Variants in KLHL40 observed in about 807,000 individuals in gnomAD.
The protein encoded by KLHL40 is kelch like family member 40.
Under a neutral mutation model 49.7 loss-of-function variants are expected in KLHL40, and 44 were observed. That is an observed-to-expected ratio of 0.89 (90% CI 0.70 to 1.14). KLHL40 has a LOEUF of 1.14. KLHL40 is among the 50% of genes most tolerant of loss of function. The probability of loss-of-function intolerance (pLI) is 0.00; values close to 1 mark genes in which losing one functional copy is unlikely to be tolerated. For missense variants in KLHL40, 892 were observed against 850.3 expected, an observed-to-expected ratio of 1.05 and a Z score of -0.61; for synonymous variants, 409 against 365.2, an observed-to-expected ratio of 1.12 and a Z score of -1.37.
At chr3:42,691,236 G>C (rs1232488278) in intron 5 of KLHL40, among the ~76,000 whole-genome samples, 3 of 152,142 alleles carry the variant, frequency 2.0e-5, no homozygotes, top group Non-Finnish European at 4.4e-5. Flanking sequence ...CTGTGGAGCA[G>C]CAACAGTGTT....
In KLHL40 at chr3:42,692,043, C is replaced by A. The variant is rs1229642280; in HGVS notation, c.*50C>A. The A allele has an allele frequency of 2.6e-6, 3 of 1,134,944 alleles. No homozygotes were observed. Among genetic ancestry groups the A allele is most frequent in the Non-Finnish European group, 4.0e-6 (3 of 745,110 alleles). 70.3% of individuals were successfully genotyped at this position (1,134,944 alleles called of 1,614,324 possible). A position where few individuals can be genotyped will look rare whatever the true frequency, so the allele number is the denominator to read the frequency against. On this transcript the variant is annotated 3_prime_UTR_variant, in exon 6 of 6. Coordinates refer to ENST00000287777, the MANE Select transcript of KLHL40 (RefSeq NM_152393.4). ...CACCCCTCCCATCCTGCGACCCTCA[C>A]TGGCCTGGCCTTGTGGGGGCTCCAG...
In KLHL40 at chr3:42,686,288, G is replaced by T. The variant is rs757444389; in HGVS notation, c.670G>T (p.Val224Leu). 45 of 1,580,488 alleles carry T rather than the reference G, an allele frequency of 2.8e-5. No individual in the cohort carries two copies. Among genetic ancestry groups the T allele is most frequent in the African/African-American group, 4.0e-5 (3 of 74,106 alleles). Reference protein sequence around the residue: ...QRALPTVFESVRCRLLPRAFL... With the variant: ...QRALPTVFESLRCRLLPRAFL... ...CGCGCTGCCCACCGTCTTCGAGAGC[G>T]TGCGCTGCCGCTTGCTGCCGCGCGC... The change falls in exon 1 of 6, where the codon GTG (valine) becomes TTG (leucine). Residue 224 changes from valine (V) to leucine (L), a missense_variant. By Grantham distance (32) the Val-to-Leu change is conservative. Coordinates refer to ENST00000287777, the MANE Select transcript of KLHL40 (RefSeq NM_152393.4).
At position 42,686,748 on chromosome 3, in the gene KLHL40, C is replaced by T. The variant is rs760884994; in HGVS notation, c.1130C>T (p.Pro377Leu). The change falls in exon 1 of 6, where the codon CCC becomes CTC. Residue 377 changes from proline to leucine, a missense_variant. Physicochemically the swap from Pro to Leu is moderately conservative, Grantham distance 98 (BLOSUM62 -3). Transcript: ENST00000287777. ...LFYNEDNKEDPMSAYFLQFDH... is the reference protein window; with the variant it reads ...LFYNEDNKEDLMSAYFLQFDH... ...TACAACGAAGACAACAAAGAGGACC[C>T]CATGAGCGCATACTTCCTGCAGGTG... 9.9e-6 allele frequency: 16 copies of T among 1,611,526 alleles called. No individual in the cohort carries two copies. In the East Asian group the frequency reaches 2.9e-4, roughly 29 times the overall value.
rs750754016 is a variant in KLHL40, at chr3:42,686,298, G to C, written c.680G>C (p.Arg227Pro). Reference protein sequence around the residue: ...LPTVFESVRCRLLPRAFLESR... With the variant: ...LPTVFESVRCPLLPRAFLESR... ...ACCGTCTTCGAGAGCGTGCGCTGCC[G>C]CTTGCTGCCGCGCGCCTTTCTGGAA... The change falls in exon 1 of 6, where the codon CGC (arginine) becomes CCC (proline). Residue 227 changes from arginine (R) to proline (P), a missense_variant. Physicochemically the swap from Arg to Pro is moderately radical, Grantham distance 103 (BLOSUM62 -2). Transcript: ENST00000287777. The C allele has an allele frequency of 2.5e-6, 4 of 1,590,336 alleles. No individual in the cohort carries two copies. The Admixed American group carries it at 7.1e-5, about 28-fold the overall frequency.
At position 42,688,562 on chromosome 3, in the gene KLHL40, C is replaced by G. The variant is rs374432092; in HGVS notation, c.1314-48C>G. ...ATGGGTGCAGAGACAGGGACTGAGC[C>G]GAGCCTGGATGGGTGCCCTCCCCCA... On this transcript the variant is annotated intron_variant, in intron 2 of 5. Coordinates refer to ENST00000287777, the MANE Select transcript of KLHL40 (RefSeq NM_152393.4). The surrounding 1 kb of genome is among the most constrained non-coding windows in gnomAD (Gnocchi z 4.2). 5.0e-6 allele frequency: 7 copies of G among 1,413,140 alleles called. No individual in the cohort carries two copies. Among genetic ancestry groups the G allele is most frequent in the Non-Finnish European group, 6.0e-6 (6 of 1,002,714 alleles). The allele number at this position is 1,413,140 out of a possible 1,614,324, so 87.5% of individuals were successfully genotyped here. A position where few individuals can be genotyped will look rare whatever the true frequency, so the allele number is the denominator to read the frequency against.
Position 42,692,092 on chromosome 3 carries a change from G to C in KLHL40, c.*99G>C. On this transcript the variant is annotated 3_prime_UTR_variant, in exon 6 of 6. Transcript: ENST00000287777. ...AGAAAAGAGGCTAGGAGAGGCCAGA[G>C]TCTACCTGGATCCAGTTATGGTGCC... 1.3e-6 allele frequency: 1 copy of C among 749,870 alleles called. No individual in the cohort carries two copies. The highest frequency in any genetic ancestry group is 1.7e-5 in the African/African-American group (1 of 58,248). The allele number at this position is 749,870 out of a possible 1,614,324, so 46.5% of individuals were successfully genotyped here.
rs749667037 is a variant in KLHL40, at chr3:42,686,206, G to A, written c.588G>A (p.Glu196=). 6.4e-7 allele frequency: 1 copy of A among 1,570,560 alleles called. No individual in the cohort carries two copies. The highest frequency in any genetic ancestry group is 1.1e-5 in the South Asian group (1 of 87,714). The change falls in exon 1 of 6, where the codon GAG becomes GAA. Residue 196 remains glutamate (E), a synonymous_variant. Coordinates refer to ENST00000287777, the MANE Select transcript of KLHL40 (RefSeq NM_152393.4). ...TGGAGAAGGAGGAGGCAGTGTTCGA[G>A]GCGGTGATGCGGTGGGCGGGTAGCG... ...LNVEKEEAVF[E]AVMRWAGSGD...
Position 42,688,031 on chromosome 3 carries a change from C to A in KLHL40, c.1153-111C>A. 1 of 1,288,486 alleles carries A rather than the reference C, an allele frequency of 7.8e-7. No homozygotes were observed. The highest frequency in any genetic ancestry group is 1.1e-6 in the Non-Finnish European group (1 of 915,170). The allele number at this position is 1,288,486 out of a possible 1,614,324, so 79.8% of individuals were successfully genotyped here. On this transcript the variant is annotated intron_variant, in intron 1 of 5. Transcript: ENST00000287777. The surrounding 1 kb of genome is among the most constrained non-coding windows in gnomAD (Gnocchi z 4.2). Reference sequence around the variant, plus strand: ...TCAGGGCACCTCCAGGCTGTATTGGCCCTACCTGGGTTCCCGACCTCCTCC... The same window carrying A: ...TCAGGGCACCTCCAGGCTGTATTGGACCTACCTGGGTTCCCGACCTCCTCC...
Position 42,685,732 on chromosome 3 carries a change from G to C in KLHL40, c.114G>C (p.Arg38=). The C allele has an allele frequency of 8.1e-6, 13 of 1,612,980 alleles. No homozygotes were observed. The highest frequency in any genetic ancestry group is 1.1e-5 in the Non-Finnish European group (13 of 1,179,780). The change falls in exon 1 of 6, where the codon CGG becomes CGC. Residue 38 remains arginine (R), a synonymous_variant. Coordinates refer to ENST00000287777, the MANE Select transcript of KLHL40 (RefSeq NM_152393.4). The part of the protein sequence containing the change: ...DHGKFLDCVV[R]AGEREFPCHR... ...GCAAGTTCCTCGACTGTGTGGTGCG[G>C]GCGGGCGAGCGCGAGTTCCCGTGCC... is the stretch of plus-strand genomic sequence containing the variant.
intron 5 of KLHL40, 140 bp downstream of exon 5, chr3:42,691,145 A>C (rs1185448621): frequency 1.2e-6 from 1 of 818,148 alleles, no homozygotes; most frequent in East Asian, 2.8e-5. Flanking sequence ...TGTAGGGAGG[A>C]ATAGCCAACA....
rs139268932 is a variant in KLHL40 at position 42,690,960 on chromosome 3, C to T, written c.1709C>T (p.Thr570Met). The stretch of plus-strand genomic sequence containing the variant: ...ATTGGTGGCTTTGCCACACTGGAGA[C>T]GGAGTCTGGAGAGCTGGTTCCCACA... ...YAIGGFATLE[T>M]ESGELVPTEL... is the part of the protein sequence containing the mutation. The change falls in exon 5 of 6, where the codon ACG (threonine) becomes ATG (methionine). Residue 570 changes from threonine (T) to methionine (M), a missense_variant. Physicochemically the swap from Thr to Met is moderately conservative, Grantham distance 81. Coordinates refer to ENST00000287777, the MANE Select transcript of KLHL40 (RefSeq NM_152393.4). 1.2e-4 allele frequency: 197 copies of T among 1,613,556 alleles called. No homozygotes were observed. Among genetic ancestry groups the T allele is most frequent in the Admixed American group, 4.3e-4 (26 of 59,978 alleles).
In KLHL40 at chr3:42,685,943, C is replaced by T. The variant is rs747849714; in HGVS notation, c.325C>T (p.His109Tyr). The T allele has an allele frequency of 2.5e-6, 4 of 1,611,684 alleles. No homozygotes were observed. The highest frequency in any genetic ancestry group is 2.7e-5 in the African/African-American group (2 of 74,930). The part of the protein sequence containing the change: ...ASVQDLFAAA[H>Y]RFQIPSIFTI... ...CGTGCAGGATTTGTTCGCCGCGGCA[C>T]ACCGCTTCCAGATCCCTTCCATCTT... Residue 109 changes from histidine to tyrosine, a missense_variant, in exon 1 of 6, where the codon CAC (histidine) becomes TAC (tyrosine). His to Tyr is a moderately conservative substitution (Grantham distance 83). Coordinates refer to ENST00000287777, the MANE Select transcript of KLHL40 (RefSeq NM_152393.4).
In KLHL40 at chr3:42,687,875, C is replaced by G. The variant is rs563476643; in HGVS notation, c.1153-267C>G. 6.0e-4 allele frequency among the ~76,000 whole-genome samples: 91 copies of G among 152,218 alleles called. No homozygotes were observed. The South Asian group carries it at 8.9e-3, about 15-fold the overall frequency. ...AAAGCAAGGCCATAGCTGGACCTCC[C>G]TCACAGAGCTCCCCCTCATTTCTGT... On this transcript the variant is annotated intron_variant, in intron 1 of 5. Transcript: ENST00000287777.
intron 4 of KLHL40, among the ~76,000 whole-genome samples, chr3:42,689,281 G>T (rs1697325156): frequency 6.6e-6 from 1 of 152,182 alleles, no homozygotes; most frequent in Non-Finnish European, 1.5e-5. Context: ...GGGGATGCCA[G>T]GTTCCTCATT....
At position 42,688,987 on chromosome 3, in the gene KLHL40, G is replaced by A. The variant is rs146266900; in HGVS notation, c.1540G>A (p.Val514Met). 8.6e-4 allele frequency: 1,381 copies of A among 1,614,136 alleles called. 8 individuals carry two copies. The African/African-American group carries it at 0.014, about 16-fold the overall frequency. ...CACTGTCCATGATGGCCGCATTATC[G>A]TGGCAGCTGGGGTCACCGACACAGG... ...GATVHDGRII[V>M]AAGVTDTGLT... The change falls in exon 4 of 6, where the codon GTG (valine) becomes ATG (methionine). Residue 514 changes from valine (V) to methionine (M), a missense_variant. Val to Met is a conservative substitution (Grantham distance 21). Coordinates refer to ENST00000287777, the MANE Select transcript of KLHL40 (RefSeq NM_152393.4). This position sits in a 1 kb window ranked among gnomAD's most constrained non-coding sequence, Gnocchi z 4.2.
rs561674449 is a variant in KLHL40, at chr3:42,686,756, G to A, written c.1138G>A (p.Ala380Thr). ...NEDNKEDPMS[A>T]YFLQFDHLDS... ...AGACAACAAAGAGGACCCCATGAGC[G>A]CATACTTCCTGCAGGTGCCTGACCA... The change falls in exon 1 of 6, where the codon GCA (alanine) becomes ACA (threonine). Residue 380 changes from alanine (A) to threonine (T), a missense_variant. Ala to Thr is a moderately conservative substitution (Grantham distance 58). Transcript: ENST00000287777. The A allele has an allele frequency of 1.5e-5, 24 of 1,609,194 alleles. No individual in the cohort carries two copies. The African/African-American group carries it at 2.1e-4, about 14-fold the overall frequency.
Position 42,691,858 on chromosome 3 carries a change from G to A in KLHL40, c.1755-24G>A, listed in dbSNP as rs1255352786. The A allele has an allele frequency of 2.7e-6, 4 of 1,478,742 alleles. No homozygotes were observed. The East Asian group carries it at 9.1e-5, about 33-fold the overall frequency. The allele number at this position is 1,478,742 out of a possible 1,614,324, so 91.6% of individuals were successfully genotyped here. ...TCAGCTGACCAAGCTCTCCATCCTT[G>A]TCCCCACTCTCTCTCATCCCCAGGT... On this transcript the variant is annotated intron_variant, in intron 5 of 5. Coordinates refer to ENST00000287777, the MANE Select transcript of KLHL40 (RefSeq NM_152393.4).
At position 42,688,838 on chromosome 3, in the gene KLHL40, T is replaced by C; in HGVS notation, c.1422-31T>C. The C allele has an allele frequency of 6.2e-7, 1 of 1,606,994 alleles. No individual in the cohort carries two copies. Among genetic ancestry groups the C allele is most frequent in the African/African-American group, 1.3e-5 (1 of 74,864 alleles). ...GGAGGCGTGGCTGGGCTCCTGCTTC[T>C]CTCCACCCATCCCCACCCTCCACCC... On this transcript the variant is annotated intron_variant, in intron 3 of 5. Transcript: ENST00000287777. The surrounding 1 kb of genome is among the most constrained non-coding windows in gnomAD (Gnocchi z 4.2).
At chr3:42,686,861 A>C in intron 1 of KLHL40, 91 bp downstream of exon 1, 1 of 1,120,484 alleles carries the variant, frequency 8.9e-7, no homozygotes, top group African/African-American at 1.6e-5. Flanking sequence ...GTGTCTACAC[A>C]AGTGAATGCC....
Sources: allele counts gnomAD v4.1 joint callset (sites outside exome capture counted in the v4.1 genomes callset), GRCh38; gene constraint gnomAD v4.1.1; non-coding constraint Gnocchi (gnomAD v3.1); transcripts MANE v1.5; gene names NCBI Gene and HGNC (gene_info 2026-07-23, HGNC 2026-07-21).